The following ZFHX4 variants were observed in gnomAD, a reference collection of about 807,000 sequenced individuals.
The protein encoded by ZFHX4 is zinc finger homeobox 4, also known as zinc finger homeobox protein 4.
A neutral mutation model predicts 267.6 loss-of-function variants in ZFHX4; 56 were observed. The ratio of observed to expected loss-of-function variants is 0.21; its 90% CI spans 0.17 to 0.26. ZFHX4 has a LOEUF of 0.26. Ranked by LOEUF, ZFHX4 falls within the 10% of genes least tolerant of loss-of-function variation. The pLI is 1.00. For synonymous variants in ZFHX4, 1,778 were observed against 1,665.6 expected (o/e 1.07, Z -1.64); for missense variants, 4,332 against 4,420.0 (o/e 0.98, Z 0.56).
intron 4 of ZFHX4, among the ~76,000 whole-genome samples, chr8:76,801,224 G>A (rs1362338962): frequency 1.3e-5 from 2 of 151,840 alleles, no homozygotes; most frequent in Non-Finnish European, 2.9e-5. Context: ...TCATTTAGAA[G>A]TGACTTTAAA....
chr8:76,766,230 A>C (rs1810047872), intron 3 of ZFHX4, among the ~76,000 whole-genome samples: 1 of 152,028 alleles, frequency 6.6e-6, no homozygotes, highest in Non-Finnish European at 1.5e-5. Context: ...TTATATAGGT[A>C]ATTGGGCTTT....
At chr8:76,701,298 T>A (rs2131599342) in intron 1 of ZFHX4, among the ~76,000 whole-genome samples, 1 of 152,280 alleles carries the variant, frequency 6.6e-6, no homozygotes, top group Admixed American at 6.5e-5. Context: ...TAAATTTGAT[T>A]GTATAGAAGA....
chr8:76,755,040 G>A (rs1432919785), intron 3 of ZFHX4, among the ~76,000 whole-genome samples: 3 of 152,028 alleles, frequency 2.0e-5, no homozygotes, highest in African/African-American at 7.2e-5. Flanking sequence ...CCACCCTGTG[G>A]GTTGCCATTC....
At chr8:76,718,388 A>G (rs1023936222) in intron 3 of ZFHX4, among the ~76,000 whole-genome samples, 1 of 152,198 alleles carries the variant, frequency 6.6e-6, no homozygotes, top group East Asian at 1.9e-4. Flanking sequence ...TTGAGAAGAA[A>G]TGTGTCTAAA....
At chr8:76,725,989 G>GA (rs1390199905) in intron 3 of ZFHX4, among the ~76,000 whole-genome samples, 1 of 152,144 alleles carries the variant, frequency 6.6e-6, no homozygotes, top group Non-Finnish European at 1.5e-5. Context: ...CCAGGAGGCT[G>GA]AAGGAGTGGG....
At chr8:76,722,765 A>T (rs1808757357) in intron 3 of ZFHX4, among the ~76,000 whole-genome samples, 1 of 151,950 alleles carries the variant, frequency 6.6e-6, no homozygotes, top group Non-Finnish European at 1.5e-5. Flanking sequence ...GGAAAATATT[A>T]CTCATGTCTT....
intron 4 of ZFHX4, among the ~76,000 whole-genome samples, chr8:76,793,350 C>T (rs531307593): frequency 5.7e-4 from 87 of 152,232 alleles, no homozygotes; most frequent in Admixed American, 9.8e-4. Context: ...TGGGTCTGTG[C>T]ATTTGTTGAT....
At position 76,864,094 on chromosome 8, in the gene ZFHX4, A is replaced by C. The variant is rs1812959595; in HGVS notation, c.10380A>C (p.Glu3460Asp). The change falls in exon 11 of 11, where the codon GAA (glutamate) becomes GAC (aspartate). Residue 3460 changes from glutamate to aspartate, a missense_variant. By Grantham distance (45) the Glu-to-Asp change is conservative. Transcript: ENST00000651372. ...GTGATGTGGCTATCAGTGGGAATGA[A>C]GCACTTAGCCAACACCTCCAGTCAA... ...LACDVAISGNEALSQHLQSSL... is the reference protein window; with the variant it reads ...LACDVAISGNDALSQHLQSSL... The C allele has an allele frequency of 6.2e-7, 1 of 1,613,822 alleles. No homozygotes were observed. The highest frequency in any genetic ancestry group is 2.2e-5 in the East Asian group (1 of 44,818).
intron 1 of ZFHX4, among the ~76,000 whole-genome samples, chr8:76,701,023 T>C (rs1808088862): frequency 6.6e-6 from 1 of 152,162 alleles, no homozygotes; most frequent in Non-Finnish European, 1.5e-5. Context: ...CGTAAATTTC[T>C]TAAATGGGTC....
chr8:76,790,577 A>G (rs1810807680), intron 4 of ZFHX4, among the ~76,000 whole-genome samples: 1 of 152,206 alleles, frequency 6.6e-6, no homozygotes, highest in South Asian at 2.1e-4. Context: ...GGCTTGAGAT[A>G]AAACTTTGAT....
At chr8:76,805,423 G>T (rs902755640) in intron 4 of ZFHX4, among the ~76,000 whole-genome samples, 1 of 151,972 alleles carries the variant, frequency 6.6e-6, no homozygotes, top group African/African-American at 2.4e-5. Flanking sequence ...AAGATATATA[G>T]CTATTTTGAA....
At chr8:76,766,559 G>C (rs1810055963) in intron 3 of ZFHX4, among the ~76,000 whole-genome samples, 1 of 151,918 alleles carries the variant, frequency 6.6e-6, no homozygotes, top group South Asian at 2.1e-4. Context: ...GGGCTGCATG[G>C]GCTGTGGGTA....
At chr8:76,817,647 C>T (rs1434412351) in intron 4 of ZFHX4, among the ~76,000 whole-genome samples, 1 of 152,144 alleles carries the variant, frequency 6.6e-6, no homozygotes, top group African/African-American at 2.4e-5. Flanking sequence ...GAAAACAGTG[C>T]AGGGTAACTT....
rs1435324987 is a variant in ZFHX4, at chr8:76,851,311, C to A, written c.4390C>A (p.Pro1464Thr). 2 of 1,613,566 alleles carry A rather than the reference C, an allele frequency of 1.2e-6. No homozygotes were observed. The highest frequency in any genetic ancestry group is 1.3e-5 in the African/African-American group (1 of 74,908). The change falls in exon 10 of 11, where the codon CCC (proline) becomes ACC (threonine). Residue 1464 changes from proline (P) to threonine (T), a missense_variant. Transcript: ENST00000651372. ...AELQQLYASLPVNGELWAESE... is the reference protein window; with the variant it reads ...AELQQLYASLTVNGELWAESE... ...ACTTCAACAGCTATATGCCTCCTTG[C>A]CCGTGAATGGAGAACTGTGGGCAGA... is the stretch of plus-strand genomic sequence containing the variant.
chr8:76,844,761 G>A (rs1812322893), intron 6 of ZFHX4, among the ~76,000 whole-genome samples: 1 of 152,032 alleles, frequency 6.6e-6, no homozygotes, highest in Admixed American at 6.6e-5. Flanking sequence ...ATAAGCTCTA[G>A]GCAAGGACCA....
chr8:76,797,080 A>G (rs1213350969), intron 4 of ZFHX4, among the ~76,000 whole-genome samples: 1 of 152,214 alleles, frequency 6.6e-6, no homozygotes, highest in East Asian at 1.9e-4. Flanking sequence ...TCATGGAGGC[A>G]GGCACCATGA....
At chr8:76,743,617 G>A (rs1009284049) in intron 3 of ZFHX4, among the ~76,000 whole-genome samples, 30 of 152,248 alleles carry the variant, frequency 2.0e-4, no homozygotes, top group Middle Eastern at 6.8e-3. Context: ...TATTTTAACT[G>A]TTTAGCTAGA....
intron 3 of ZFHX4, among the ~76,000 whole-genome samples, chr8:76,754,545 T>C (rs1331966315): frequency 6.6e-6 from 1 of 152,090 alleles, no homozygotes; most frequent in Non-Finnish European, 1.5e-5. Flanking sequence ...TTTTGTTTTG[T>C]TTTGTTTTTC....
At chr8:76,857,492 A>T (rs1043333336) in intron 10 of ZFHX4, among the ~76,000 whole-genome samples, 1 of 151,912 alleles carries the variant, frequency 6.6e-6, no homozygotes, top group Non-Finnish European at 1.5e-5. Context: ...CAAAATTGCC[A>T]CTGTGATCTT....
Sources: allele counts gnomAD v4.1 joint callset (sites outside exome capture counted in the v4.1 genomes callset), GRCh38; gene constraint gnomAD v4.1.1; transcripts MANE v1.5; gene names NCBI Gene and HGNC (gene_info 2026-07-23, HGNC 2026-07-21).